PLD1: variants seen among roughly 807,000 people sequenced by gnomAD.
The protein encoded by PLD1 is choline phosphatase 1.
A neutral mutation model predicts 137.1 loss-of-function variants in PLD1; 112 were observed. That is an observed-to-expected ratio of 0.82 (90% CI 0.70 to 0.96). PLD1 has a LOEUF of 0.96. Ranked by LOEUF, PLD1 falls within the 40% of genes least tolerant of loss-of-function variation. The probability of loss-of-function intolerance (pLI) is 0.00; values close to 1 mark genes in which losing one functional copy is unlikely to be tolerated. For synonymous variants in PLD1, 431 were observed against 454.7 expected (o/e 0.95, Z 0.66); for missense variants, 1,321 against 1,342.0 (o/e 0.98, Z 0.24).
intron 23 of PLD1, among the ~76,000 whole-genome samples, chr3:171,639,332 C>T (rs1199639788): frequency 7.9e-6 from 1 of 126,918 alleles, no homozygotes; most frequent in Non-Finnish European, 1.6e-5. Flanking sequence ...TAAATATTTT[C>T]ATATAAATAA....
chr3:171,630,950 C>T (rs1560161889), intron 23 of PLD1, among the ~76,000 whole-genome samples: 1 of 151,136 alleles, frequency 6.6e-6, no homozygotes, highest in African/African-American at 2.4e-5. Context: ...ACCAGCATGG[C>T]ACATGTATAC....
chr3:171,626,721 TTCAACCCA>T (rs1292505030), intron 23 of PLD1, among the ~76,000 whole-genome samples: 107 of 151,742 alleles, frequency 7.1e-4, no homozygotes, highest in African/African-American at 2.6e-3. Context: ...GAAAAGAATT[TTCAACCCA>T]GAATTTCATA....
chr3:171,676,631 T>G, intron 18 of PLD1, 84 bp downstream of exon 18: 2 of 1,034,014 alleles, frequency 1.9e-6, no homozygotes, highest in Non-Finnish European at 3.0e-6. Flanking sequence ...AGTCTCTTCT[T>G]GCTACCAGCC....
chr3:171,724,950 C>T (rs1253621899), intron 7 of PLD1, among the ~76,000 whole-genome samples, 162 bp from the exon 8 acceptor site: 4 of 128,670 alleles, frequency 3.1e-5, no homozygotes, highest in African/African-American at 1.0e-4. Context: ...CCTGTTAGGC[C>T]GGGTACCCTA....
chr3:171,696,481 C>T (rs1715708724), intron 12 of PLD1, among the ~76,000 whole-genome samples: 1 of 152,166 alleles, frequency 6.6e-6, no homozygotes, highest in South Asian at 2.1e-4. Context: ...CATACGTTGG[C>T]TATAAGGCAG....
At chr3:171,794,895 T>C (rs1053391639) in intron 1 of PLD1, among the ~76,000 whole-genome samples, 4 of 152,258 alleles carry the variant, frequency 2.6e-5, no homozygotes, top group Admixed American at 1.3e-4. Context: ...CAATTAGCTA[T>C]ATAGATTTAA....
At chr3:171,688,598 A>G in intron 14 of PLD1, 78 bp downstream of exon 14, 1 of 1,075,898 alleles carries the variant, frequency 9.3e-7, no homozygotes, top group Non-Finnish European at 1.4e-6. Context: ...TCAATGAATC[A>G]ATCAGTCATG....
At chr3:171,626,380 T>C (rs1174337383) in intron 23 of PLD1, among the ~76,000 whole-genome samples, 1 of 152,190 alleles carries the variant, frequency 6.6e-6, no homozygotes, top group East Asian at 1.9e-4. Flanking sequence ...GTCTGATTAG[T>C]GTACCTGAAA....
chr3:171,801,993 C>T (rs1326793477), intron 1 of PLD1, among the ~76,000 whole-genome samples: 1 of 152,216 alleles, frequency 6.6e-6, no homozygotes, highest in Non-Finnish European at 1.5e-5. Flanking sequence ...TTTTATTTCT[C>T]ATCAGTTGAG....
chr3:171,794,335 A>C (rs1723343881), intron 1 of PLD1, among the ~76,000 whole-genome samples: 1 of 152,188 alleles, frequency 6.6e-6, no homozygotes, highest in Non-Finnish European at 1.5e-5. Context: ...GTATAGGGAA[A>C]AAAATCATAG....
In PLD1 at chr3:171,770,888, C is replaced by CAAA. The variant is rs34683994; in HGVS notation, c.-31-32809_-31-32807dup. Among the ~76,000 whole-genome samples, 21 of 40,832 alleles carry CAAA rather than the reference C, an allele frequency of 5.1e-4. 1 individual carries two copies. The highest frequency in any genetic ancestry group is 9.5e-4 in the African/African-American group (12 of 12,596). 26.8% of individuals were successfully genotyped at this position (40,832 alleles called of 152,430 possible). ...TTGGTGACAGAGCAAAACCCTATCTCAAAAAAAAAAAAAAAAAAAAAAAGG... is the reference window on the plus strand; with the variant it reads ...TTGGTGACAGAGCAAAACCCTATCTCAAAAAAAAAAAAAAAAAAAAAAAAAAGG... On this transcript the variant is annotated intron_variant, in intron 1 of 26. Transcript: ENST00000351298.
chr3:171,655,891 T>C (rs1358707677), intron 21 of PLD1, among the ~76,000 whole-genome samples: 2 of 152,182 alleles, frequency 1.3e-5, no homozygotes, highest in Non-Finnish European at 2.9e-5. Context: ...AATGAGACTA[T>C]TGAGAGATCA....
chr3:171,793,270 G>A (rs1194265488), intron 1 of PLD1: 1 of 151,902 alleles, frequency 6.6e-6, no homozygotes, highest in Non-Finnish European at 1.5e-5. Flanking sequence ...CATCAAGATT[G>A]GGAAATTTTC....
intron 1 of PLD1, among the ~76,000 whole-genome samples, chr3:171,747,804 TGAAG>T (rs1387101681): frequency 1.3e-5 from 2 of 152,158 alleles, no homozygotes; most frequent in Non-Finnish European, 2.9e-5. Context: ...GCAAGGAAAC[TGAAG>T]GCACAGACAG....
intron 1 of PLD1, chr3:171,765,241 G>T (rs538439058): frequency 2.0e-5 from 3 of 152,144 alleles, no homozygotes; most frequent in Non-Finnish European, 2.9e-5. Flanking sequence ...GTTAAAAAAC[G>T]ATTTCCAGAG....
chr3:171,764,252 G>A (rs1357294211), intron 1 of PLD1, among the ~76,000 whole-genome samples: 1 of 152,162 alleles, frequency 6.6e-6, no homozygotes, highest in African/African-American at 2.4e-5. Context: ...GAGGTTACAG[G>A]CATGAGCCAC....
At chr3:171,644,642 C>T (rs1736035299) in intron 22 of PLD1, among the ~76,000 whole-genome samples, 1 of 152,136 alleles carries the variant, frequency 6.6e-6, no homozygotes, top group Non-Finnish European at 1.5e-5. Context: ...CAACATTATA[C>T]ATATATAGAA....
At chr3:171,684,876 T>C (rs1369453129) in intron 16 of PLD1, among the ~76,000 whole-genome samples, 2 of 152,220 alleles carry the variant, frequency 1.3e-5, no homozygotes, top group African/African-American at 4.8e-5. Context: ...TGTGAGTCAC[T>C]GCACCTGGCC....
chr3:171,658,855 C>T (rs903773905), intron 21 of PLD1, among the ~76,000 whole-genome samples: 1 of 152,106 alleles, frequency 6.6e-6, no homozygotes, highest in Non-Finnish European at 1.5e-5. Flanking sequence ...ATAAATATGA[C>T]ATACGGTAAC....
Sources: allele counts gnomAD v4.1 joint callset (sites outside exome capture counted in the v4.1 genomes callset), GRCh38; gene constraint gnomAD v4.1.1; transcripts MANE v1.5; gene names NCBI Gene and HGNC (gene_info 2026-07-23, HGNC 2026-07-21).